The following KDM4C variants were observed in gnomAD, a reference collection of about 807,000 sequenced individuals.
KDM4C encodes lysine demethylase 4C, also known as lysine-specific demethylase 4C.
A neutral mutation model predicts 129.3 loss-of-function variants in KDM4C; 81 were observed. The observed-to-expected ratio is 0.63, with a 90% CI of 0.52 to 0.75. The LOEUF (loss-of-function observed/expected upper bound fraction) is 0.75, where lower values mean the gene tolerates loss of function less well. Ranked by LOEUF, KDM4C falls within the 30% of genes least tolerant of loss-of-function variation. The pLI, the probability that KDM4C is intolerant of heterozygous loss-of-function variation, is 0.00. For synonymous variants in KDM4C, 573 were observed against 456.1 expected (o/e 1.26, Z -3.26); for missense variants, 1,457 against 1,304.0 (o/e 1.12, Z -1.81).
At chr9:6,932,830 C>T (rs1411960721) in intron 8 of KDM4C, among the ~76,000 whole-genome samples, 2 of 152,198 alleles carry the variant, frequency 1.3e-5, no homozygotes, top group African/African-American at 2.4e-5. Flanking sequence ...TGCAAAACAT[C>T]GTACAATACA....
At chr9:6,895,450 G>C (rs1006049226) in intron 8 of KDM4C, among the ~76,000 whole-genome samples, 8 of 152,188 alleles carry the variant, frequency 5.3e-5, no homozygotes, top group Non-Finnish European at 1.0e-4. Context: ...TGTAGTTCCT[G>C]CATTTCAGAG....
intron 8 of KDM4C, among the ~76,000 whole-genome samples, chr9:6,964,081 T>C (rs959594811): frequency 6.6e-6 from 1 of 152,240 alleles, no homozygotes; most frequent in African/African-American, 2.4e-5. Flanking sequence ...TTCTTTATTG[T>C]CATTTTATTT....
chr9:6,986,734 C>A (rs567866498), intron 11 of KDM4C, 68 bp downstream of exon 11: 5 of 1,145,184 alleles, frequency 4.4e-6, no homozygotes, highest in Non-Finnish European at 6.2e-6. Context: ...AAACAACATG[C>A]TGTGCACTGA....
Position 7,073,394 on chromosome 9 carries a change from T to C in KDM4C, c.2424+24194T>C, listed in dbSNP as rs756271391. On this transcript the variant is annotated intron_variant, in intron 17 of 21. Transcript: ENST00000381309. ...CATGAAGTAATTATGACAACTCTTA[T>C]TTTATATGTTATATAGATAATAGTT... is the stretch of plus-strand genomic sequence containing the variant. Among the ~76,000 whole-genome samples the C allele has an allele frequency of 3.9e-5, 6 of 152,352 alleles. No homozygotes were observed. The South Asian group carries it at 1.0e-3, about 26-fold the overall frequency.
chr9:6,749,661 C>T (rs1032220450), intron 1 of KDM4C, among the ~76,000 whole-genome samples: 8 of 151,346 alleles, frequency 5.3e-5, no homozygotes, highest in African/African-American at 1.9e-4. Context: ...GAGTGAGAGC[C>T]TGTCTCAAAA....
intron 4 of KDM4C, among the ~76,000 whole-genome samples, chr9:6,817,351 G>C (rs1157751750): frequency 6.6e-6 from 1 of 151,692 alleles, no homozygotes; most frequent in African/African-American, 2.4e-5. Flanking sequence ...ACCTGCAGGC[G>C]CCACCATGCC....
intron 18 of KDM4C, among the ~76,000 whole-genome samples, chr9:7,109,374 G>A (rs1838062654): frequency 6.6e-6 from 1 of 152,138 alleles, no homozygotes. Context: ...TTCCCAGATG[G>A]GGACCTGAAC....
intron 1 of KDM4C, among the ~76,000 whole-genome samples, chr9:6,765,496 A>T (rs1327538445): frequency 1.3e-5 from 2 of 152,084 alleles, no homozygotes; most frequent in Admixed American, 6.6e-5. Flanking sequence ...TTTTGTGATT[A>T]TTTGATTGTT....
intron 8 of KDM4C, chr9:6,973,729 A>T (rs1244247774): frequency 6.6e-6 from 1 of 152,188 alleles, no homozygotes; most frequent in South Asian, 2.1e-4. Flanking sequence ...TTTTCTCCTT[A>T]TTGATTTGTT....
At chr9:6,928,261 C>G (rs1435829789) in intron 8 of KDM4C, among the ~76,000 whole-genome samples, 2 of 152,220 alleles carry the variant, frequency 1.3e-5, no homozygotes, top group Non-Finnish European at 2.9e-5. Context: ...GCCTCCTTTA[C>G]CAGGCCTTCC....
At chr9:6,923,729 TC>T (rs1821965551) in intron 8 of KDM4C, among the ~76,000 whole-genome samples, 1 of 152,226 alleles carries the variant, frequency 6.6e-6, no homozygotes, top group South Asian at 2.1e-4. Context: ...TGGCTCTTTA[TC>T]TTGTTTTGTA....
At chr9:7,076,800 C>T (rs887577775) in intron 17 of KDM4C, 11 of 1,043,922 alleles carry the variant, frequency 1.1e-5, no homozygotes, top group African/African-American at 3.4e-5. Flanking sequence ...TGATTTAGTC[C>T]AACGTGTCCT....
At chr9:7,051,729 A>G (rs1015615790) in intron 17 of KDM4C, among the ~76,000 whole-genome samples, 2 of 152,150 alleles carry the variant, frequency 1.3e-5, no homozygotes, top group Non-Finnish European at 2.9e-5. Flanking sequence ...TAGACTGTCC[A>G]TTCTGCCTTC....
intron 8 of KDM4C, among the ~76,000 whole-genome samples, chr9:6,943,422 A>G (rs1826315590): frequency 6.6e-6 from 1 of 152,208 alleles, no homozygotes; most frequent in Admixed American, 6.5e-5. Context: ...AATTGCACAA[A>G]TAAGGGCCAG....
chr9:7,115,200 A>G (rs1039583918), intron 18 of KDM4C, among the ~76,000 whole-genome samples: 1 of 152,156 alleles, frequency 6.6e-6, no homozygotes, highest in Non-Finnish European at 1.5e-5. Flanking sequence ...AGGACCATTT[A>G]TTTGGTTATT....
chr9:6,928,786 C>T (rs952713941), intron 8 of KDM4C, among the ~76,000 whole-genome samples: 1 of 152,108 alleles, frequency 6.6e-6, no homozygotes, highest in Non-Finnish European at 1.5e-5. Context: ...GATGGCTACC[C>T]CTTGGCTCTG....
intron 5 of KDM4C, among the ~76,000 whole-genome samples, chr9:6,879,361 T>C (rs890328207): frequency 4.6e-5 from 7 of 152,166 alleles, no homozygotes; most frequent in African/African-American, 1.7e-4. Flanking sequence ...AAATGAGTAT[T>C]TCTGTTCTTT....
At chr9:7,138,232 G>T (rs569688565) in intron 19 of KDM4C, among the ~76,000 whole-genome samples, 1 of 152,106 alleles carries the variant, frequency 6.6e-6, no homozygotes, top group Non-Finnish European at 1.5e-5. Flanking sequence ...TGAAATGCTT[G>T]GAAGCTATTG....
chr9:6,971,708 T>C (rs1832015311), intron 8 of KDM4C, among the ~76,000 whole-genome samples: 1 of 152,204 alleles, frequency 6.6e-6, no homozygotes, highest in Admixed American at 6.5e-5. Flanking sequence ...TTCATATTAA[T>C]TAAGGCAGAC....
Sources: gnomAD v4.1 joint callset for allele counts (sites outside exome capture counted in the v4.1 genomes callset) on GRCh38, gnomAD v4.1.1 for gene constraint, MANE v1.5 for transcripts, NCBI Gene and HGNC (gene_info 2026-07-23, HGNC 2026-07-21) for gene names.